APELA: variants seen among roughly 807,000 people sequenced by gnomAD.
APELA encodes the protein protein Elabela.
At chr4:164,889,863 A>C (rs1311670566) in intron 2 of APELA, among the ~76,000 whole-genome samples, 1 of 152,238 alleles carries the variant, frequency 6.6e-6, no homozygotes, top group African/African-American at 2.4e-5. Flanking sequence ...AACTATTTAC[A>C]TACCATTTAT....
At chr4:164,894,413 A>T (rs1431016032) in intron 2 of APELA, among the ~76,000 whole-genome samples, 4 of 128,812 alleles carry the variant, frequency 3.1e-5, no homozygotes, top group African/African-American at 1.8e-4. Flanking sequence ...TTTCTTCTTT[A>T]TTTTTTTATT....
chr4:164,884,556 C>T (rs1436258730), intron 2 of APELA, among the ~76,000 whole-genome samples: 2 of 152,102 alleles, frequency 1.3e-5, no homozygotes, highest in African/African-American at 4.8e-5. Flanking sequence ...TATTCTTTCC[C>T]CCTTGCCTGT....
At position 164,893,297 on chromosome 4, in the gene APELA, T is replaced by C. The variant is rs1443070687; in HGVS notation, c.*2-2119T>C. ...GTATTCCCTAAATATTCATTGTCAG[T>C]CATCTCAAAATACTCTCTTATTTCC... On this transcript the variant is annotated intron_variant, in intron 2 of 2. Coordinates refer to ENST00000507152, the MANE Select transcript of APELA (RefSeq NM_001297550.2). Among the ~76,000 whole-genome samples, 8 of 152,300 alleles carry C rather than the reference T, an allele frequency of 5.3e-5. No homozygotes were observed. The East Asian group carries it at 1.3e-3, about 26-fold the overall frequency.
At chr4:164,883,484 C>CTTTTTTTTTTTTTTTTTTTTTT (rs758157733) in intron 2 of APELA, among the ~76,000 whole-genome samples, 1 of 129,368 alleles carries the variant, frequency 7.7e-6, no homozygotes. Context: ...TCTAGTCTTT[C>CTTTTTTTTTTTTTTTTTTTTTT]TTTTTCTTTT....
chr4:164,877,426 T>A lies in APELA; in HGVS notation c.76+19T>A. On this transcript the variant is annotated intron_variant, in intron 1 of 2. Transcript: ENST00000507152. ...AGACCAGGTAGGCCTTTGATACATTTGTACAAGTAACTTGTTTTGCCTGTT... is the reference window on the plus strand; with the variant it reads ...AGACCAGGTAGGCCTTTGATACATTAGTACAAGTAACTTGTTTTGCCTGTT... 2.5e-6 allele frequency: 1 copy of A among 398,996 alleles called. No individual in the cohort carries two copies. Among genetic ancestry groups the A allele is most frequent in the Non-Finnish European group, 4.4e-6 (1 of 226,020 alleles). 24.7% of individuals were successfully genotyped at this position (398,996 alleles called of 1,614,324 possible). A position where few individuals can be genotyped will look rare whatever the true frequency, so the allele number is the denominator to read the frequency against.
In APELA at chr4:164,878,169, GAGAA is replaced by G. The variant is rs1175515915; in HGVS notation, c.77-733_77-730del. ...AAGAAAGAAAAGAGAGAAAAGAAGA[GAGAA>G]AGAAAGAAAGAAAGAAACAGAAAAA... On this transcript the variant is annotated intron_variant, in intron 1 of 2. Coordinates refer to ENST00000507152, the MANE Select transcript of APELA (RefSeq NM_001297550.2). Among the ~76,000 whole-genome samples the G allele has an allele frequency of 5.0e-3, 419 of 83,594 alleles. 3 individuals carry two copies. The highest frequency in any genetic ancestry group is 0.018 in the African/African-American group (347 of 19,798). 54.8% of individuals were successfully genotyped at this position (83,594 alleles called of 152,430 possible). A position where few individuals can be genotyped will look rare whatever the true frequency, so the allele number is the denominator to read the frequency against.
chr4:164,892,348 A>G (rs1485883237), intron 2 of APELA, among the ~76,000 whole-genome samples: 2 of 152,066 alleles, frequency 1.3e-5, no homozygotes, highest in African/African-American at 2.4e-5. Flanking sequence ...AGAAAACCAA[A>G]TATATATTCA....
rs369408593 is a variant in APELA at position 164,888,022 on chromosome 4, C to T, written c.*2-7394C>T. ...GTCCCTTCCCTTCAATTCCAGGGCA[C>T]CATACTTATTTCCACTAAGTTCTCA... On this transcript the variant is annotated intron_variant, in intron 2 of 2. Coordinates refer to ENST00000507152, the MANE Select transcript of APELA (RefSeq NM_001297550.2). Among the ~76,000 whole-genome samples the T allele has an allele frequency of 1.7e-3, 253 of 152,226 alleles. 3 individuals carry two copies. The Middle Eastern group carries it at 0.027, about 16-fold the overall frequency.
At chr4:164,877,921 C>A (rs1462862740) in intron 1 of APELA, among the ~76,000 whole-genome samples, 1 of 151,590 alleles carries the variant, frequency 6.6e-6, no homozygotes, top group Non-Finnish European at 1.5e-5. Flanking sequence ...TCACTTAAAA[C>A]AAATAAGTGC....
At chr4:164,880,772 A>G (rs1397909399) in intron 2 of APELA, among the ~76,000 whole-genome samples, 35 of 152,244 alleles carry the variant, frequency 2.3e-4, no homozygotes, top group Non-Finnish European at 5.9e-5. Flanking sequence ...TGTTACAAGT[A>G]AGCATGAATA....
At chr4:164,878,344 C>G (rs17045721) in intron 1 of APELA, among the ~76,000 whole-genome samples, 7 of 151,960 alleles carry the variant, frequency 4.6e-5, no homozygotes, top group African/African-American at 1.5e-4. Flanking sequence ...GAACAGAAAA[C>G]GATGCATCAC....
intron 2 of APELA, 40 bp downstream of exon 2, chr4:164,879,049 T>C (rs1730608812): frequency 2.5e-6 from 1 of 398,856 alleles, no homozygotes; most frequent in Non-Finnish European, 4.4e-6. Context: ...ATTTAGGCAG[T>C]GTTCCAAATT....
At chr4:164,891,910 T>C (rs1730890499) in intron 2 of APELA, among the ~76,000 whole-genome samples, 1 of 152,220 alleles carries the variant, frequency 6.6e-6, no homozygotes, top group African/African-American at 2.4e-5. Flanking sequence ...TCTTTGTAGA[T>C]GACCTTTATC....
chr4:164,891,025 G>C (rs565115275), intron 2 of APELA, among the ~76,000 whole-genome samples: 64 of 152,230 alleles, frequency 4.2e-4, no homozygotes, highest in African/African-American at 1.3e-3. Flanking sequence ...TGTCTCTTTG[G>C]AGAAATGGCT....
Position 164,896,013 on chromosome 4 carries a change from T to C in APELA, c.*599T>C, listed in dbSNP as rs779413676. ...AGGTTTATGAAAGTATGTTTTTTTA[T>C]TTAATGAGTAATGTCCATTTGAAGT... On this transcript the variant is annotated 3_prime_UTR_variant, in exon 3 of 3. Transcript: ENST00000507152. 1 of 152,252 alleles carries C rather than the reference T, an allele frequency of 6.6e-6. No individual in the cohort carries two copies. The highest frequency in any genetic ancestry group is 1.5e-5 in the Non-Finnish European group (1 of 68,038). The allele number at this position is 152,252 out of a possible 1,614,324, so 9.4% of individuals were successfully genotyped here.
chr4:164,898,242 C>T (rs563177277), downstream of APELA, among the ~76,000 whole-genome samples: 871 of 151,550 alleles, frequency 5.7e-3, 10 homozygotes, highest in South Asian at 0.045. Flanking sequence ...TGGCTCACAC[C>T]TGTAATCCCA....
chr4:164,884,361 A>G (rs1256294306), intron 2 of APELA, among the ~76,000 whole-genome samples: 3 of 152,182 alleles, frequency 2.0e-5, no homozygotes, highest in African/African-American at 7.2e-5. Flanking sequence ...AACTATTTTC[A>G]ACACATTGTT....
intron 2 of APELA, among the ~76,000 whole-genome samples, chr4:164,883,916 T>TA (rs35518678): frequency 0.012 from 1,545 of 133,424 alleles, 19 homozygotes; most frequent in African/African-American, 0.037. Context: ...TATTTTGTCT[T>TA]AAAAAAAAAA....
chr4:164,897,705 C>T (rs1731002115), downstream of APELA, among the ~76,000 whole-genome samples: 1 of 152,122 alleles, frequency 6.6e-6, no homozygotes, highest in African/African-American at 2.4e-5. Context: ...TCATGATGAT[C>T]AGAGCAAGGG....
Sources: allele counts gnomAD v4.1 joint callset (sites outside exome capture counted in the v4.1 genomes callset), GRCh38; gene constraint gnomAD v4.1.1; transcripts MANE v1.5; gene names NCBI Gene and HGNC (gene_info 2026-07-23, HGNC 2026-07-21).